Variants in SLC17A3 observed in about 807,000 individuals in gnomAD.
SLC17A3 encodes sodium-dependent phosphate transport protein 4.
In SLC17A3, 61 loss-of-function variants were observed where a neutral mutation model predicts 60.3. The observed-to-expected ratio is 1.01, with a 90% CI of 0.82 to 1.25. The LOEUF (loss-of-function observed/expected upper bound fraction) is 1.25, where lower values mean the gene tolerates loss of function less well. Among genes scored for constraint, SLC17A3 ranks in the 50% most tolerant of loss-of-function variants. SLC17A3 has a pLI of 0.00. For missense variants in SLC17A3, 624 were observed against 594.9 expected (o/e 1.05, Z -0.51); for synonymous variants, 192 against 208.9 (o/e 0.92, Z 0.70).
chr6:25,868,930 C>A (rs1431983757), intron 1 of SLC17A3, among the ~76,000 whole-genome samples: 1 of 151,962 alleles, frequency 6.6e-6, no homozygotes, highest in African/African-American at 2.4e-5. Flanking sequence ...CTGGAATCCT[C>A]TACCTGCACC....
intron 1 of SLC17A3, among the ~76,000 whole-genome samples, chr6:25,872,956 A>G (rs1408270): frequency 0.26 from 39,466 of 152,010 alleles, 5,956 homozygotes; most frequent in East Asian, 0.67. Context: ...AGGATGTCAC[A>G]TCTTCTCCTG....
At chr6:25,868,205 C>G (rs1363035573) in intron 2 of SLC17A3, 92 bp downstream of exon 2, 4 of 955,186 alleles carry the variant, frequency 4.2e-6, no homozygotes, top group East Asian at 2.5e-5. Flanking sequence ...AATTAAAGAA[C>G]TTAAAAATCA....
intron 2 of SLC17A3, among the ~76,000 whole-genome samples, chr6:25,863,400 T>C (rs988819371): frequency 6.6e-6 from 1 of 152,038 alleles, no homozygotes; most frequent in Admixed American, 6.6e-5. Flanking sequence ...AAATAAAATA[T>C]AAAATGTATG....
intron 1 of SLC17A3, among the ~76,000 whole-genome samples, chr6:25,873,382 C>A (rs940184968): frequency 6.6e-6 from 1 of 152,054 alleles, no homozygotes; most frequent in African/African-American, 2.4e-5. Flanking sequence ...CATAGAGAAC[C>A]ACATTGAGGA....
At chr6:25,866,119 C>T (rs1457805600) in intron 2 of SLC17A3, among the ~76,000 whole-genome samples, 2 of 151,908 alleles carry the variant, frequency 1.3e-5, no homozygotes, top group Non-Finnish European at 2.9e-5. Flanking sequence ...TTGCTTGTAT[C>T]CAACAGAATA....
chr6:25,869,672 A>G (rs1266515270), intron 1 of SLC17A3, among the ~76,000 whole-genome samples: 2 of 151,818 alleles, frequency 1.3e-5, no homozygotes, highest in Non-Finnish European at 2.9e-5. Flanking sequence ...GTGCAGGGGA[A>G]CTCCCATTTA....
chr6:25,853,567 G>A (rs1433729177), intron 6 of SLC17A3, among the ~76,000 whole-genome samples: 7 of 151,498 alleles, frequency 4.6e-5, no homozygotes, highest in African/African-American at 9.7e-5. Flanking sequence ...TTAGGTGCCC[G>A]CCACCACGCC....
chr6:25,869,930 T>C (rs1251085460), intron 1 of SLC17A3, among the ~76,000 whole-genome samples: 1 of 152,080 alleles, frequency 6.6e-6, no homozygotes, highest in East Asian at 1.9e-4. Flanking sequence ...CATGTTGTTG[T>C]ACATATTAAT....
At chr6:25,872,320 C>A (rs1391675971) in intron 1 of SLC17A3, among the ~76,000 whole-genome samples, 4 of 125,496 alleles carry the variant, frequency 3.2e-5, no homozygotes, top group Admixed American at 8.2e-5. Context: ...ATAATACGAG[C>A]TTTAACGCCA....
rs371437945 is a variant in SLC17A3, at chr6:25,855,230, C to T, written c.626G>A (p.Gly209Glu). ...RSRLCSIALS[G>E]MLLGCFTAIL... ...GGCAGTAAAGCATCCCAGTAACATT[C>T]CTGCAAAGAGAGAGAAAGTAAGCTG... Residue 209 changes from glycine to glutamate, a missense_variant and splice_region_variant, in exon 6 of 13, where the codon GGA (glycine) becomes GAA (glutamate). By Grantham distance (98) the Gly-to-Glu change is moderately conservative. Transcript: ENST00000397060. 12 of 1,610,984 alleles carry T rather than the reference C, an allele frequency of 7.4e-6. No homozygotes were observed. The highest frequency in any genetic ancestry group is 1.7e-5 in the Admixed American group (1 of 59,886).
intron 1 of SLC17A3, among the ~76,000 whole-genome samples, chr6:25,871,663 A>G (rs966794071): frequency 3.3e-5 from 5 of 151,662 alleles, no homozygotes; most frequent in African/African-American, 1.2e-4. Context: ...TAAAAAAAAG[A>G]CTCTGGGTTC....
chr6:25,845,596 A>G, intron 11 of SLC17A3, 80 bp from the exon 12 acceptor site: 3 of 1,502,446 alleles, frequency 2.0e-6, no homozygotes, highest in Non-Finnish European at 2.8e-6. Context: ...TCAGATGACA[A>G]CATTCACTGG....
intron 5 of SLC17A3, among the ~76,000 whole-genome samples, chr6:25,860,191 T>C (rs974358802): frequency 6.6e-6 from 1 of 152,216 alleles, no homozygotes; most frequent in African/African-American, 2.4e-5. Flanking sequence ...GCCTTAAATA[T>C]GAACTACCAG....
chr6:25,866,652 T>C (rs1243741628), intron 2 of SLC17A3, among the ~76,000 whole-genome samples: 1 of 151,980 alleles, frequency 6.6e-6, no homozygotes, highest in Non-Finnish European at 1.5e-5. Flanking sequence ...TTGGGAGGTA[T>C]TGAAAAATAT....
chr6:25,868,473 C>G, intron 1 of SLC17A3, 53 bp from the exon 2 acceptor site: 2 of 1,172,004 alleles, frequency 1.7e-6, no homozygotes, highest in Admixed American at 1.8e-5. Context: ...AGAGACTCCC[C>G]GTTGAAATAT....
intron 2 of SLC17A3, among the ~76,000 whole-genome samples, chr6:25,864,228 A>G (rs1165160): frequency 0.64 from 96,802 of 151,720 alleles, 32,730 homozygotes; most frequent in African/African-American, 0.86. Flanking sequence ...CTAGATCATG[A>G]GGCCTGAATT....
Position 25,850,662 on chromosome 6 carries a change from T to G in SLC17A3, c.832-42A>C, listed in dbSNP as rs751830015. The G allele has an allele frequency of 1.9e-6, 3 of 1,612,754 alleles. No individual in the cohort carries two copies. In the Admixed American group the frequency reaches 5.0e-5, roughly 27 times the overall value. ...TGGTCATAACGGTAAATCCGACAGA[T>G]GCTCACACACTTAGTCACCCTTAAA... On this transcript the variant is annotated intron_variant, in intron 7 of 12. Transcript: ENST00000397060.
At chr6:25,850,227 C>T (rs763773231) in intron 8 of SLC17A3, 50 bp from the exon 9 acceptor site, 1 of 1,577,694 alleles carries the variant, frequency 6.3e-7, no homozygotes, top group African/African-American at 1.4e-5. Context: ...AGTGAGACCA[C>T]AACTTTTGTT....
intron 11 of SLC17A3, among the ~76,000 whole-genome samples, chr6:25,847,940 C>G (rs1415647612): frequency 6.6e-6 from 1 of 152,118 alleles, no homozygotes; most frequent in African/African-American, 2.4e-5. Flanking sequence ...CTGTGTCACT[C>G]TTATGCCTTT....
Sources: gnomAD v4.1 joint callset for allele counts (sites outside exome capture counted in the v4.1 genomes callset) on GRCh38, gnomAD v4.1.1 for gene constraint, MANE v1.5 for transcripts, NCBI Gene and HGNC (gene_info 2026-07-23, HGNC 2026-07-21) for gene names.